Variants in FAM222B observed in about 807,000 individuals in gnomAD.
FAM222B encodes family with sequence similarity 222 member B, also known as protein FAM222B.
Under a neutral mutation model 38.0 loss-of-function variants are expected in FAM222B, and 12 were observed. The observed-to-expected ratio is 0.32, with a 90% confidence interval of 0.20 to 0.51. FAM222B has a LOEUF of 0.51. Among genes scored for constraint, FAM222B ranks in the 20% least tolerant of loss-of-function variants. The pLI is 0.97. For missense variants in FAM222B, 716 were observed against 754.2 expected (o/e 0.95, Z 0.59); for synonymous variants, 329 against 317.2 (o/e 1.04, Z -0.40).
chr17:28,770,147 C>T (rs2035553789), intron 1 of FAM222B, among the ~76,000 whole-genome samples: 1 of 152,164 alleles, frequency 6.6e-6, no homozygotes, highest in Non-Finnish European at 1.5e-5. Flanking sequence ...CCATCTCTCT[C>T]CACCCCACTA....
chr17:28,769,698 A>T (rs182258413), intron 1 of FAM222B, among the ~76,000 whole-genome samples: 1 of 152,258 alleles, frequency 6.6e-6, no homozygotes, highest in East Asian at 1.9e-4. Flanking sequence ...GCCCTCCATG[A>T]TCTATTACTA....
intron 1 of FAM222B, among the ~76,000 whole-genome samples, chr17:28,851,970 T>C (rs1411689137): frequency 6.6e-6 from 1 of 151,684 alleles, no homozygotes; most frequent in Non-Finnish European, 1.5e-5. Flanking sequence ...GGGAATCACC[T>C]GAGCCCAGGA....
intron 1 of FAM222B, among the ~76,000 whole-genome samples, chr17:28,835,024 T>TTTTGTGTGTGTG (rs1167023679): frequency 7.6e-6 from 1 of 132,010 alleles, no homozygotes; most frequent in African/African-American, 2.9e-5. Flanking sequence ...TCAGCTAATT[T>TTTTGTGTGTGTG]TGTGTGTGTG....
At chr17:28,854,991 G>C in exon 1 of FAM222B, 1 of 1,521,982 alleles carries the variant, frequency 6.6e-7, no homozygotes, top group South Asian at 1.3e-5. Context: ...CTGTTCAATC[G>C]TAGGAGCGCT....
chr17:28,839,124 G>A (rs1055314318), intron 1 of FAM222B, among the ~76,000 whole-genome samples: 16 of 151,946 alleles, frequency 1.1e-4, no homozygotes, highest in African/African-American at 2.9e-4. Context: ...GGAGAATGGC[G>A]AGAACCCGGG....
At chr17:28,762,540 T>C (rs112435621) in intron 2 of FAM222B, among the ~76,000 whole-genome samples, 3 of 148,282 alleles carry the variant, frequency 2.0e-5, no homozygotes, top group South Asian at 2.1e-4. Flanking sequence ...GGCAGGAGAA[T>C]TGCTTGAACC....
intron 1 of FAM222B, among the ~76,000 whole-genome samples, chr17:28,850,111 A>C (rs1382821409): frequency 6.6e-6 from 1 of 151,764 alleles, no homozygotes; most frequent in Non-Finnish European, 1.5e-5. Flanking sequence ...TCCTCCCATT[A>C]TTTAAGCTAT....
chr17:28,809,212 G>A (rs1487488805), intron 1 of FAM222B, among the ~76,000 whole-genome samples: 1 of 152,062 alleles, frequency 6.6e-6, no homozygotes, highest in African/African-American at 2.4e-5. Context: ...TTAGCCAGGC[G>A]TGCTGGTGCG....
At chr17:28,847,746 C>G (rs573274556), upstream of FAM222B, among the ~76,000 whole-genome samples, 152 of 151,856 alleles carry the variant, frequency 1.0e-3, 2 homozygotes, top group Middle Eastern at 0.037. Context: ...AACCCCGTCT[C>G]TACTAAAAAT....
At chr17:28,817,038 A>G (rs1182741524) in intron 1 of FAM222B, among the ~76,000 whole-genome samples, 4 of 152,116 alleles carry the variant, frequency 2.6e-5, no homozygotes, top group Admixed American at 6.6e-5. Flanking sequence ...ATTAGACCCC[A>G]GAGACAAAAA....
chr17:28,826,929 C>T (rs1446874599), intron 1 of FAM222B, among the ~76,000 whole-genome samples: 2 of 152,124 alleles, frequency 1.3e-5, no homozygotes, highest in East Asian at 3.9e-4. Flanking sequence ...TCACTTGAGG[C>T]CAGGAGCTTG....
At chr17:28,827,840 T>C (rs1426253202) in intron 1 of FAM222B, among the ~76,000 whole-genome samples, 1 of 152,128 alleles carries the variant, frequency 6.6e-6, no homozygotes, top group Non-Finnish European at 1.5e-5. Context: ...ATAAGTAGTC[T>C]TACAACTTAG....
chr17:28,769,533 G>A (rs1465700021), intron 1 of FAM222B, among the ~76,000 whole-genome samples: 2 of 151,152 alleles, frequency 1.3e-5, no homozygotes, highest in Non-Finnish European at 3.0e-5. Flanking sequence ...TCTTGACCTC[G>A]TGTTCCGCCC....
chr17:28,813,250 T>A (rs1279366230), intron 1 of FAM222B, among the ~76,000 whole-genome samples: 2 of 151,178 alleles, frequency 1.3e-5, no homozygotes, highest in Non-Finnish European at 2.9e-5. Context: ...AATCCCAAGA[T>A]AACAATTCCT....
intron 2 of FAM222B, among the ~76,000 whole-genome samples, chr17:28,764,616 T>C (rs1175263002): frequency 6.6e-6 from 1 of 150,898 alleles, no homozygotes; most frequent in Non-Finnish European, 1.5e-5. Flanking sequence ...GGCGTGGTGG[T>C]GCATGCCTGT....
chr17:28,805,082 G>C (rs972277811), intron 1 of FAM222B, among the ~76,000 whole-genome samples: 5 of 151,960 alleles, frequency 3.3e-5, no homozygotes, highest in Admixed American at 2.6e-4. Context: ...GTGTAGTCTG[G>C]ACATGATAGC....
intron 1 of FAM222B, among the ~76,000 whole-genome samples, chr17:28,772,035 C>T (rs2035658486): frequency 6.6e-6 from 1 of 151,896 alleles, no homozygotes; most frequent in African/African-American, 2.4e-5. Flanking sequence ...CCAGCCTGGG[C>T]AACAGAGCGA....
intron 1 of FAM222B, among the ~76,000 whole-genome samples, chr17:28,783,383 C>T (rs957310018): frequency 6.6e-6 from 1 of 152,120 alleles, no homozygotes; most frequent in East Asian, 1.9e-4. Context: ...AAAGGCACTA[C>T]ACAGAAGTGG....
intron 1 of FAM222B, among the ~76,000 whole-genome samples, chr17:28,786,259 T>A (rs1212472289): frequency 5.9e-5 from 9 of 152,330 alleles, no homozygotes; most frequent in Admixed American, 4.6e-4. Flanking sequence ...GCCTAACACT[T>A]TGAAATCAAT....
Sources: gnomAD v4.1 joint callset for allele counts (sites outside exome capture counted in the v4.1 genomes callset) on GRCh38, gnomAD v4.1.1 for gene constraint, MANE v1.5 for transcripts, NCBI Gene and HGNC (gene_info 2026-07-23, HGNC 2026-07-21) for gene names.